MMP17: variants seen among roughly 807,000 people sequenced by gnomAD.
MMP17 encodes the protein matrix metalloproteinase-17.
Under a neutral mutation model 49.1 loss-of-function variants are expected in MMP17, and 54 were observed. The ratio of observed to expected loss-of-function variants is 1.10; its 90% CI spans 0.88 to 1.38. MMP17 has a LOEUF of 1.38. Ranked by LOEUF, MMP17 falls within the 40% of genes most tolerant of loss-of-function variation. MMP17 has a pLI of 0.00. For missense variants in MMP17, 837 were observed against 853.7 expected, an observed-to-expected ratio of 0.98 and a Z score of 0.24; for synonymous variants, 397 against 383.1, an observed-to-expected ratio of 1.04 and a Z score of -0.42.
intron 1 of MMP17, among the ~76,000 whole-genome samples, chr12:131,828,854 G>A (rs1886648215): frequency 6.6e-6 from 1 of 152,000 alleles, no homozygotes; most frequent in African/African-American, 2.4e-5. Flanking sequence ...CGCGAGTCCT[G>A]GGGAGGCGCC....
At chr12:131,839,138 T>C (rs1863626255) in intron 3 of MMP17, among the ~76,000 whole-genome samples, 1 of 152,142 alleles carries the variant, frequency 6.6e-6, no homozygotes, top group Admixed American at 6.5e-5. Flanking sequence ...TCCAGGGTTC[T>C]ATCCAGCTGT....
chr12:131,838,485 T>A (rs1887199765), intron 2 of MMP17, 127 bp from the exon 3 acceptor site: 1 of 1,454,134 alleles, frequency 6.9e-7, no homozygotes, highest in Admixed American at 2.5e-5. Flanking sequence ...CCCCCAAAGA[T>A]GACGTGGGAG....
In MMP17 at chr12:131,851,604, C is replaced by A; in HGVS notation, c.*330C>A. On this transcript the variant is annotated 3_prime_UTR_variant, in exon 10 of 10. Coordinates refer to ENST00000360564, the MANE Select transcript of MMP17 (RefSeq NM_016155.7). ...GGGGGCCCACCCCTCTCTGTGCCGG[C>A]GCCACCAACCCCACCCACACTGCTG... 3.4e-6 allele frequency: 1 copy of A among 291,906 alleles called. No individual in the cohort carries two copies. The allele number at this position is 291,906 out of a possible 1,614,324, so 18.1% of individuals were successfully genotyped here.
At chr12:131,839,117 G>A (rs1887247799) in intron 3 of MMP17, among the ~76,000 whole-genome samples, 1 of 152,162 alleles carries the variant, frequency 6.6e-6, no homozygotes, top group African/African-American at 2.4e-5. Flanking sequence ...GGGAGGTAGA[G>A]GGAGCATCTG....
rs547298509 is a variant in MMP17 at position 131,847,275 on chromosome 12, T to C, written c.1204+1826T>C. The stretch of plus-strand genomic sequence containing the variant: ...CAAAATACAAAAAATTTGCCGGGCG[T>C]GGTGGCGGGCACCTGTTGTTCCAGC... On this transcript the variant is annotated intron_variant, in intron 8 of 9. Coordinates refer to ENST00000360564, the MANE Select transcript of MMP17 (RefSeq NM_016155.7). 7.9e-5 allele frequency among the ~76,000 whole-genome samples: 12 copies of C among 151,788 alleles called. No individual in the cohort carries two copies. The East Asian group carries it at 1.4e-3, about 17-fold the overall frequency.
chr12:131,844,012 T>A lies in MMP17; in HGVS notation c.899T>A (p.Val300Glu). 1.3e-6 allele frequency: 2 copies of A among 1,564,568 alleles called. No homozygotes were observed. Among genetic ancestry groups the A allele is most frequent in the Non-Finnish European group, 1.7e-6 (2 of 1,156,514 alleles). ...TCTCCCGCAGGTGTGCGGGAGTCTGTGTCTCCCACGGCGCAGCCCGAGGAG... is the reference window on the plus strand; with the variant it reads ...TCTCCCGCAGGTGTGCGGGAGTCTGAGTCTCCCACGGCGCAGCCCGAGGAG... ...VWQLYGVRES[V>E]SPTAQPEEPP... Residue 300 changes from valine to glutamate, a missense_variant, in exon 6 of 10, where the codon GTG becomes GAG. By Grantham distance (121) the Val-to-Glu change is moderately radical. Transcript: ENST00000360564.
chr12:131,840,622 G>A lies in MMP17; in HGVS notation c.472G>A (p.Ala158Thr). ...ACCACTGGGGCACGACACGGTGCGT[G>A]CACTCATGTACTACGCCCTCAAGGT... ...DSPLGHDTVR[A>T]LMYYALKVWS... Residue 158 changes from alanine (A) to threonine (T), a missense_variant, in exon 4 of 10, where the codon GCA (alanine) becomes ACA (threonine). Coordinates refer to ENST00000360564, the MANE Select transcript of MMP17 (RefSeq NM_016155.7). 6.2e-7 allele frequency: 1 copy of A among 1,608,632 alleles called. No homozygotes were observed. Among genetic ancestry groups the A allele is most frequent in the Non-Finnish European group, 8.5e-7 (1 of 1,179,468 alleles).
intron 2 of MMP17, 34 bp downstream of exon 2, chr12:131,838,361 G>A (rs1887192955): frequency 6.2e-7 from 1 of 1,606,796 alleles, no homozygotes; most frequent in Non-Finnish European, 8.5e-7. Flanking sequence ...GAGCGCCGTG[G>A]CCCCCGTCAG....
intron 1 of MMP17, among the ~76,000 whole-genome samples, chr12:131,832,971 C>A (rs1334368007): frequency 6.6e-6 from 1 of 152,188 alleles, no homozygotes; most frequent in African/African-American, 2.4e-5. Context: ...CCCTGAGCAC[C>A]CATTTCATCA....
chr12:131,840,371 C>T (rs945041169), intron 3 of MMP17: 9 of 548,924 alleles, frequency 1.6e-5, no homozygotes, highest in African/African-American at 1.5e-4. Context: ...GCTCTCATTT[C>T]CCTCCCTCCG....
chr12:131,851,477 CTG>C lies in MMP17; in HGVS notation c.*207_*208del, dbSNP rs1887971839. 4.7e-6 allele frequency: 2 copies of C among 429,624 alleles called. No individual in the cohort carries two copies. Among genetic ancestry groups the C allele is most frequent in the Non-Finnish European group, 7.9e-6 (2 of 253,332 alleles). 26.6% of individuals were successfully genotyped at this position (429,624 alleles called of 1,614,324 possible). A position where few individuals can be genotyped will look rare whatever the true frequency, so the allele number is the denominator to read the frequency against. On this transcript the variant is annotated 3_prime_UTR_variant, in exon 10 of 10. Transcript: ENST00000360564. ...GACGGAGCTGTCCCCTAGTGAGGGA[CTG>C]TGTTGACTGACGAGCCGAGGGGTGG...
intron 1 of MMP17, among the ~76,000 whole-genome samples, chr12:131,836,223 G>A (rs969660132): frequency 2.0e-5 from 3 of 152,174 alleles, no homozygotes; most frequent in Non-Finnish European, 4.4e-5. Context: ...GAAGGACTCA[G>A]TGCTTCCTGG....
chr12:131,851,124 G>T lies in MMP17; in HGVS notation c.1662G>T (p.Ser554=). 6.3e-7 allele frequency: 1 copy of T among 1,587,432 alleles called. No homozygotes were observed. Among genetic ancestry groups the T allele is most frequent in the East Asian group, 2.3e-5 (1 of 43,468 alleles). Residue 554 remains serine (S), a synonymous_variant, in exon 10 of 10, where the codon TCG becomes TCT. Coordinates refer to ENST00000360564, the MANE Select transcript of MMP17 (RefSeq NM_016155.7). ...CAGGACAACATGACCAGAGCCGCTC[G>T]GAGGACGGTTACGAGGTCTGCTCAT... The part of the protein sequence containing the change: ...APPGQHDQSR[S]EDGYEVCSCT...
At position 131,828,399 on chromosome 12, in the gene MMP17, G is replaced by T. The variant is rs1886613533; in HGVS notation, c.-96G>T. The T allele has an allele frequency of 1.8e-5, 13 of 735,478 alleles. No individual in the cohort carries two copies. Among genetic ancestry groups the T allele is most frequent in the Non-Finnish European group, 2.2e-5 (13 of 601,740 alleles). 45.6% of individuals were successfully genotyped at this position (735,478 alleles called of 1,614,324 possible). On this transcript the variant is annotated 5_prime_UTR_variant, in exon 1 of 10. Transcript: ENST00000360564. ...AGGCTGCCGCGCGGGGCTCAGTCCG[G>T]CGGGGGCGCCGCGGAGAGCGGAGGG...
At chr12:131,837,524 G>T (rs989965384) in intron 1 of MMP17, among the ~76,000 whole-genome samples, 1 of 152,168 alleles carries the variant, frequency 6.6e-6, no homozygotes, top group African/African-American at 2.4e-5. Context: ...CCAGACCTTG[G>T]ATGCTAGACT....
At chr12:131,829,496 C>T (rs1886685990) in intron 1 of MMP17, among the ~76,000 whole-genome samples, 1 of 152,154 alleles carries the variant, frequency 6.6e-6, no homozygotes, top group African/African-American at 2.4e-5. Context: ...CCGCTGGGTT[C>T]GTTGGTTCCT....
rs569269845 is a variant in MMP17 at position 131,843,919 on chromosome 12, G to C, written c.884-78G>C. ...TGAGTGGCCTCGGTTTCATCCCTGG[G>C]ATTCAGAAGGGCTGGTGGGATGTGG... On this transcript the variant is annotated intron_variant, in intron 5 of 9. Coordinates refer to ENST00000360564, the MANE Select transcript of MMP17 (RefSeq NM_016155.7). 16 of 1,076,766 alleles carry C rather than the reference G, an allele frequency of 1.5e-5. No individual in the cohort carries two copies. The African/African-American group carries it at 1.9e-4, about 13-fold the overall frequency. 66.7% of individuals were successfully genotyped at this position (1,076,766 alleles called of 1,614,324 possible). A position where few individuals can be genotyped will look rare whatever the true frequency, so the allele number is the denominator to read the frequency against.
chr12:131,834,402 C>A (rs575055771), intron 1 of MMP17, among the ~76,000 whole-genome samples: 13 of 152,188 alleles, frequency 8.5e-5, no homozygotes, highest in Non-Finnish European at 1.6e-4. Context: ...GTCTCCGTGG[C>A]GACAGCAGAG....
intron 3 of MMP17, 161 bp from the exon 4 acceptor site, chr12:131,840,412 C>A: frequency 1.4e-6 from 1 of 710,602 alleles, no homozygotes; most frequent in Non-Finnish European, 2.3e-6. Flanking sequence ...CTGGAACCGC[C>A]GTGAGTGCAT....
Sources: gnomAD v4.1 joint callset for allele counts (sites outside exome capture counted in the v4.1 genomes callset) on GRCh38, gnomAD v4.1.1 for gene constraint, MANE v1.5 for transcripts, NCBI Gene and HGNC (gene_info 2026-07-23, HGNC 2026-07-21) for gene names.